Variants in CCSER1 observed in about 807,000 individuals in gnomAD.
CCSER1 encodes the protein serine-rich coiled-coil domain-containing protein 1.
A neutral mutation model predicts 82.0 loss-of-function variants in CCSER1; 41 were observed. The observed-to-expected ratio is 0.50, with a 90% CI of 0.39 to 0.65. The LOEUF is 0.65. Among genes scored for constraint, CCSER1 ranks in the 30% least tolerant of loss-of-function variants. The pLI is 0.00. For missense variants in CCSER1, 1,119 were observed against 1,064.2 expected (o/e 1.05, Z -0.72); for synonymous variants, 414 against 383.9 (o/e 1.08, Z -0.92).
intron 10 of CCSER1, among the ~76,000 whole-genome samples, chr4:91,100,602 T>A (rs1724964047): frequency 6.6e-6 from 1 of 152,220 alleles, no homozygotes; most frequent in Non-Finnish European, 1.5e-5. Flanking sequence ...TTGGAATCTT[T>A]ATTTAACCTC....
intron 5 of CCSER1, among the ~76,000 whole-genome samples, chr4:90,518,500 C>CTGTCATGAACTCAAATAAG (rs1560647990): frequency 6.6e-6 from 1 of 152,022 alleles, no homozygotes; most frequent in Non-Finnish European, 1.5e-5. Context: ...TACATGATAA[C>CTGTCATGAACTCAAATAAG]TGTCATGAAC....
intron 7 of CCSER1, among the ~76,000 whole-genome samples, chr4:90,784,641 A>T (rs1339071920): frequency 6.6e-6 from 1 of 152,172 alleles, no homozygotes; most frequent in Non-Finnish European, 1.5e-5. Context: ...CAGTATCCAT[A>T]TATTTCACTA....
chr4:90,185,589 A>G (rs1014651052), intron 1 of CCSER1, among the ~76,000 whole-genome samples: 5 of 152,042 alleles, frequency 3.3e-5, no homozygotes, highest in Non-Finnish European at 7.4e-5. Context: ...AAGTGCTGAC[A>G]TAAAACATAT....
At chr4:90,593,457 T>TA in intron 5 of CCSER1, among the ~76,000 whole-genome samples, 1 of 152,258 alleles carries the variant, frequency 6.6e-6, no homozygotes, top group Middle Eastern at 3.4e-3. Context: ...AGAGCCCTGT[T>TA]ACAGAATTTT....
intron 9 of CCSER1, among the ~76,000 whole-genome samples, chr4:91,024,798 C>G (rs775460254): frequency 6.6e-6 from 1 of 151,698 alleles, no homozygotes; most frequent in African/African-American, 2.4e-5. Flanking sequence ...TGAGATAGTC[C>G]ATGAAGACTT....
Position 90,780,822 on chromosome 4 carries a change from T to C in CCSER1, c.2011-34940T>C, listed in dbSNP as rs1753668997. ...TATATGCGTGATCTTTTAGAGACCATAAACTGTCAGTGTATTAGGCTGTTC... is the reference window on the plus strand; with the variant it reads ...TATATGCGTGATCTTTTAGAGACCACAAACTGTCAGTGTATTAGGCTGTTC... On this transcript the variant is annotated intron_variant, in intron 7 of 10. Transcript: ENST00000509176. 3 of 1,058,540 alleles carry C rather than the reference T, an allele frequency of 2.8e-6. No homozygotes were observed. The Admixed American group carries it at 1.5e-4, about 53-fold the overall frequency. 65.6% of individuals were successfully genotyped at this position (1,058,540 alleles called of 1,614,324 possible).
chr4:90,919,172 T>C (rs1431760845), intron 8 of CCSER1, among the ~76,000 whole-genome samples: 2 of 151,610 alleles, frequency 1.3e-5, no homozygotes, highest in Non-Finnish European at 2.9e-5. Flanking sequence ...AATAGTTTTA[T>C]TTCCATCTGT....
chr4:90,548,389 T>G (rs1391363785), intron 5 of CCSER1, among the ~76,000 whole-genome samples: 1 of 152,106 alleles, frequency 6.6e-6, no homozygotes, highest in Non-Finnish European at 1.5e-5. Context: ...CTGTTGCACA[T>G]GAGCATACAC....
intron 1 of CCSER1, among the ~76,000 whole-genome samples, chr4:90,154,211 G>A (rs544637017): frequency 3.7e-4 from 56 of 152,282 alleles, no homozygotes; most frequent in African/African-American, 1.3e-3. Flanking sequence ...AGATTTCTGA[G>A]GGCTCTGTTC....
At chr4:90,415,147 C>T (rs1007404369) in intron 4 of CCSER1, among the ~76,000 whole-genome samples, 8 of 152,160 alleles carry the variant, frequency 5.3e-5, no homozygotes, top group Non-Finnish European at 1.2e-4. Flanking sequence ...TATCATCAAT[C>T]ATTCAATCAG....
chr4:90,474,149 A>C (rs1403751721), intron 5 of CCSER1, among the ~76,000 whole-genome samples: 13 of 152,116 alleles, frequency 8.5e-5, no homozygotes, highest in Middle Eastern at 6.8e-3. Flanking sequence ...CAAAAAAAAA[A>C]AAAAAATGCA....
intron 8 of CCSER1, among the ~76,000 whole-genome samples, chr4:90,828,351 C>T (rs2149812128): frequency 6.6e-6 from 1 of 152,008 alleles, no homozygotes; most frequent in Admixed American, 6.5e-5. Flanking sequence ...CATACTTATC[C>T]ATAAGTCTAT....
At chr4:90,284,492 TGA>T (rs774023140) in intron 1 of CCSER1, among the ~76,000 whole-genome samples, 2,519 of 123,092 alleles carry the variant, frequency 0.02, 52 homozygotes, top group African/African-American at 0.083. Flanking sequence ...TACTTTGAAT[TGA>T]TTTTTTTTTT....
chr4:91,114,400 T>G (rs1456506594), intron 10 of CCSER1, among the ~76,000 whole-genome samples: 3 of 152,154 alleles, frequency 2.0e-5, no homozygotes, highest in African/African-American at 7.2e-5. Context: ...TAGAAGCACA[T>G]TCCTAAGTAT....
At chr4:90,449,836 A>C (rs1761194499) in intron 4 of CCSER1, among the ~76,000 whole-genome samples, 1 of 152,216 alleles carries the variant, frequency 6.6e-6, no homozygotes, top group Non-Finnish European at 1.5e-5. Context: ...GTCCACAGCC[A>C]CAGCTGGGTG....
At chr4:90,476,272 A>C (rs1765093461) in intron 5 of CCSER1, among the ~76,000 whole-genome samples, 1 of 152,030 alleles carries the variant, frequency 6.6e-6, no homozygotes, top group Admixed American at 6.6e-5. Flanking sequence ...AGCTCCCACC[A>C]CTAGGAGACT....
At chr4:90,551,678 T>TTCTCTCTGTC (rs1553940925) in intron 5 of CCSER1, among the ~76,000 whole-genome samples, 1 of 88,570 alleles carries the variant, frequency 1.1e-5, no homozygotes, top group Non-Finnish European at 2.1e-5. Flanking sequence ...AAAAATATAA[T>TTCTCTCTGTC]TCTCTCTCTC....
At chr4:91,572,743 C>T (rs1202293563) in intron 10 of CCSER1, among the ~76,000 whole-genome samples, 2 of 151,168 alleles carry the variant, frequency 1.3e-5, no homozygotes, top group Admixed American at 6.6e-5. Context: ...GGGTGGATAG[C>T]TTGAGCTCAG....
At chr4:90,981,255 A>G (rs1477482752) in intron 9 of CCSER1, among the ~76,000 whole-genome samples, 3 of 151,856 alleles carry the variant, frequency 2.0e-5, no homozygotes, top group South Asian at 4.1e-4. Flanking sequence ...AAAAGTTTAG[A>G]TATTTCCTAG....
Sources: gnomAD v4.1 joint callset for allele counts (sites outside exome capture counted in the v4.1 genomes callset) on GRCh38, gnomAD v4.1.1 for gene constraint, MANE v1.5 for transcripts, NCBI Gene and HGNC (gene_info 2026-07-23, HGNC 2026-07-21) for gene names.